The following BAZ1A variants were observed in gnomAD, a reference collection of about 807,000 sequenced individuals.
The protein encoded by BAZ1A is bromodomain adjacent to zinc finger domain 1A.
BAZ1A carries 50 observed loss-of-function variants against 185.2 expected under a neutral mutation model. The ratio of observed to expected loss-of-function variants is 0.27; its 90% CI spans 0.22 to 0.34. The LOEUF (loss-of-function observed/expected upper bound fraction) is 0.34, where lower values mean the gene tolerates loss of function less well. Ranked by LOEUF, BAZ1A falls within the 10% of genes least tolerant of loss-of-function variation. The pLI is 1.00. For missense variants in BAZ1A, 1,356 were observed against 1,839.9 expected (o/e 0.74, Z 4.81); for synonymous variants, 571 against 615.6 (o/e 0.93, Z 1.07).
chr14:34,783,352 A>T, intron 15 of BAZ1A, 120 bp from the exon 16 acceptor site: 2 of 575,510 alleles, frequency 3.5e-6, no homozygotes, highest in Non-Finnish European at 6.0e-6. Flanking sequence ...ACTATAATGT[A>T]GTAATCATTC....
intron 11 of BAZ1A, among the ~76,000 whole-genome samples, chr14:34,793,534 C>T (rs1043695428): frequency 3.3e-5 from 5 of 152,168 alleles, no homozygotes; most frequent in African/African-American, 9.7e-5. Context: ...ATAGGACAGA[C>T]GCAGTGGCTC....
chr14:34,789,480 T>C (rs1362436364), intron 12 of BAZ1A, among the ~76,000 whole-genome samples: 2 of 152,212 alleles, frequency 1.3e-5, no homozygotes, highest in East Asian at 3.8e-4. Flanking sequence ...GAAGAGAATA[T>C]AGTTGAATTA....
chr14:34,757,884 C>T (rs1452244560), intron 25 of BAZ1A, among the ~76,000 whole-genome samples: 1 of 150,438 alleles, frequency 6.6e-6, no homozygotes, highest in Admixed American at 6.6e-5. Flanking sequence ...GTAGCGGGGA[C>T]TACAGGCGCC....
At position 34,839,757 on chromosome 14, in the gene BAZ1A, G is replaced by A. The variant is rs1324320437; in HGVS notation, c.393-13601C>T. On this transcript the variant is annotated intron_variant, in intron 3 of 26. Transcript: ENST00000360310. Reference sequence around the variant, plus strand: ...ACTCGGGAGGCTGAGGCAGAATGGCGTGAACCTGGGAGGCGGAGCTTGCAG... The same window carrying A: ...ACTCGGGAGGCTGAGGCAGAATGGCATGAACCTGGGAGGCGGAGCTTGCAG... Among the ~76,000 whole-genome samples the A allele has an allele frequency of 5.4e-5, 8 of 147,562 alleles. No individual in the cohort carries two copies. The South Asian group carries it at 6.5e-4, about 12-fold the overall frequency.
chr14:34,762,371 T>C (rs770985404), intron 23 of BAZ1A, 148 bp from the exon 24 acceptor site: 1 of 696,496 alleles, frequency 1.4e-6, no homozygotes, highest in Non-Finnish European at 2.3e-6. Context: ...CCTTAAAGAG[T>C]CAGTAAGTTT....
At chr14:34,774,975 G>A (rs927771387) in intron 18 of BAZ1A, among the ~76,000 whole-genome samples, 2 of 152,200 alleles carry the variant, frequency 1.3e-5, no homozygotes, top group African/African-American at 4.8e-5. Flanking sequence ...AGCACTTTGG[G>A]AGACCAAGGC....
chr14:34,795,261 G>A (rs954949784), intron 10 of BAZ1A, among the ~76,000 whole-genome samples: 2 of 152,116 alleles, frequency 1.3e-5, no homozygotes, highest in African/African-American at 4.8e-5. Context: ...CTTATGATTT[G>A]GAACATAATT....
At chr14:34,792,999 A>G in intron 11 of BAZ1A, 78 bp from the exon 12 acceptor site, 1 of 1,311,370 alleles carries the variant, frequency 7.6e-7, no homozygotes, top group Non-Finnish European at 1.0e-6. Flanking sequence ...ATAAACATGT[A>G]ATCAACAATA....
intron 2 of BAZ1A, among the ~76,000 whole-genome samples, chr14:34,866,630 AAC>A (rs1269707945): frequency 2.6e-5 from 4 of 152,056 alleles, no homozygotes; most frequent in Admixed American, 1.3e-4. Context: ...ATTGATATAT[AAC>A]AGTTATACAT....
intron 23 of BAZ1A, among the ~76,000 whole-genome samples, chr14:34,764,029 A>C (rs1878627901): frequency 6.6e-6 from 1 of 152,168 alleles, no homozygotes; most frequent in Non-Finnish European, 1.5e-5. Flanking sequence ...GCTGCCACAG[A>C]AGGAATATCC....
intron 3 of BAZ1A, among the ~76,000 whole-genome samples, chr14:34,827,710 T>G (rs12372887): frequency 0.59 from 87,122 of 148,636 alleles, 25,569 homozygotes; most frequent in South Asian, 0.68. Flanking sequence ...ACTCCAGCCT[T>G]GGCAACAAAG....
intron 15 of BAZ1A, 135 bp downstream of exon 15, chr14:34,783,619 ACCTGGCCT>A (rs1880201014): frequency 7.3e-6 from 8 of 1,099,906 alleles, no homozygotes; most frequent in Non-Finnish European, 1.0e-5. Context: ...GAGCCACCAC[ACCTGGCCT>A]CATTCACAAG....
At position 34,761,836 on chromosome 14, in the gene BAZ1A, T is replaced by C. The variant is rs1886532588; in HGVS notation, c.4164A>G (p.Ser1388=). Residue 1388 remains serine, a synonymous_variant, in exon 24 of 27, where the codon TCA becomes TCG. Transcript: ENST00000360310. ...GTTTTGAAGCAATATTTACAGATCT[T>C]GACTGTTCACTTGACTTTGTGGCAA... is the stretch of plus-strand genomic sequence containing the variant. ...RVIATKSSEQ[S]RSVNIASKLS... 9 of 1,614,246 alleles carry C rather than the reference T, an allele frequency of 5.6e-6. No individual in the cohort carries two copies. The East Asian group carries it at 2.0e-4, about 36-fold the overall frequency.
chr14:34,840,322 A>G (rs1473645980), intron 3 of BAZ1A, among the ~76,000 whole-genome samples: 2 of 152,142 alleles, frequency 1.3e-5, no homozygotes, highest in Admixed American at 6.6e-5. Flanking sequence ...GTTTTTTCAG[A>G]AAGAAGCATT....
chr14:34,793,709 C>A lies in BAZ1A; in HGVS notation c.1364-788G>T, dbSNP rs58622736. ...CCTGTAATCCCAGCACTTTGGGAGG[C>A]CGAGGCGGGCAGATCACAAGGTCAG... On this transcript the variant is annotated intron_variant, in intron 11 of 26. Coordinates refer to ENST00000360310, the MANE Select transcript of BAZ1A (RefSeq NM_013448.3). Among the ~76,000 whole-genome samples, 691 of 152,264 alleles carry A rather than the reference C, an allele frequency of 4.5e-3. 7 individuals carry two copies. Among genetic ancestry groups the A allele is most frequent in the African/African-American group, 0.016 (668 of 41,548 alleles).
intron 3 of BAZ1A, among the ~76,000 whole-genome samples, chr14:34,831,152 T>C (rs1159060153): frequency 6.6e-6 from 1 of 152,210 alleles, no homozygotes; most frequent in African/African-American, 2.4e-5. Flanking sequence ...AATTTTGATA[T>C]ACTGTTTGAT....
chr14:34,758,297 C>T (rs1323383106), intron 25 of BAZ1A, among the ~76,000 whole-genome samples: 2 of 150,472 alleles, frequency 1.3e-5, no homozygotes, highest in Non-Finnish European at 3.0e-5. Flanking sequence ...AAGAAGAAGA[C>T]ATGGCCAGGT....
chr14:34,853,437 A>G (rs2042627513), intron 3 of BAZ1A, among the ~76,000 whole-genome samples: 1 of 152,226 alleles, frequency 6.6e-6, no homozygotes. Flanking sequence ...TTGAAAGCAT[A>G]AAGTCTTGGT....
At chr14:34,823,818 A>T (rs1328003732) in intron 4 of BAZ1A, among the ~76,000 whole-genome samples, 2 of 152,080 alleles carry the variant, frequency 1.3e-5, no homozygotes, top group Admixed American at 6.6e-5. Context: ...AATAAATTAG[A>T]GACTTTGTAT....
Sources: gnomAD v4.1 joint callset for allele counts (sites outside exome capture counted in the v4.1 genomes callset) on GRCh38, gnomAD v4.1.1 for gene constraint, MANE v1.5 for transcripts, NCBI Gene and HGNC (gene_info 2026-07-23, HGNC 2026-07-21) for gene names.